Variants in PHACTR1 observed in about 807,000 individuals in gnomAD.
PHACTR1 encodes the protein RPEL repeat containing 1.
A neutral mutation model predicts 69.2 loss-of-function variants in PHACTR1; 16 were observed. The observed-to-expected ratio is 0.23, with a 90% CI of 0.16 to 0.35. The LOEUF (loss-of-function observed/expected upper bound fraction) is 0.35, where lower values mean the gene tolerates loss of function less well. Ranked by LOEUF, PHACTR1 falls within the 10% of genes least tolerant of loss-of-function variation. The pLI, the probability that PHACTR1 is intolerant of heterozygous loss-of-function variation, is 1.00. For synonymous variants in PHACTR1, 312 were observed against 284.5 expected, an observed-to-expected ratio of 1.10 and a Z score of -0.97; for missense variants, 510 against 734.7, an observed-to-expected ratio of 0.69 and a Z score of 3.54.
At chr6:12,758,422 C>A (rs2327616) in intron 4 of PHACTR1, among the ~76,000 whole-genome samples, 1 of 146,686 alleles carries the variant, frequency 6.8e-6, no homozygotes, top group Non-Finnish European at 1.5e-5. Context: ...GCAGAGACCA[C>A]GCCATTGCCC....
chr6:12,985,536 A>AT (rs1458061348), intron 4 of PHACTR1, among the ~76,000 whole-genome samples: 95 of 137,400 alleles, frequency 6.9e-4, no homozygotes, highest in Admixed American at 1.8e-3. Context: ...ATTAAAAAAA[A>AT]AAAAAATATA....
intron 4 of PHACTR1, among the ~76,000 whole-genome samples, chr6:12,770,601 G>A (rs1769254425): frequency 6.6e-6 from 1 of 152,186 alleles, no homozygotes; most frequent in Non-Finnish European, 1.5e-5. Context: ...TGGCATTTAA[G>A]TCCCCCTGGT....
chr6:13,127,660 G>A (rs1340740377), intron 5 of PHACTR1, among the ~76,000 whole-genome samples: 1 of 152,186 alleles, frequency 6.6e-6, no homozygotes, highest in East Asian at 1.9e-4. Context: ...TAGTCAATAT[G>A]TCAGAGTGGC....
rs116885113 is a variant in PHACTR1 at position 12,781,363 on chromosome 6, A to G, written c.250+31573A>G. Among the ~76,000 whole-genome samples the G allele has an allele frequency of 1.1e-3, 172 of 152,262 alleles. 5 individuals are homozygous for G. The East Asian group carries it at 0.029, about 26-fold the overall frequency. On this transcript the variant is annotated intron_variant, in intron 4 of 14. Transcript: ENST00000332995. ...TCTGTGATTGCTCCTTCACTACTAAATACTCGTTCCACCCAGGACGTGAAT... is the reference window on the plus strand; with the variant it reads ...TCTGTGATTGCTCCTTCACTACTAAGTACTCGTTCCACCCAGGACGTGAAT...
chr6:12,738,847 A>G (rs1043422322), intron 3 of PHACTR1, among the ~76,000 whole-genome samples: 4 of 152,204 alleles, frequency 2.6e-5, no homozygotes, highest in Admixed American at 2.6e-4. Context: ...CCTGGGCGAC[A>G]AGAGTGAAAC....
At chr6:13,204,524 C>A (rs1765640527) in intron 7 of PHACTR1, among the ~76,000 whole-genome samples, 1 of 152,192 alleles carries the variant, frequency 6.6e-6, no homozygotes, top group South Asian at 2.1e-4. Context: ...CAGGCTACAT[C>A]TTCCCAGAAA....
intron 4 of PHACTR1, among the ~76,000 whole-genome samples, chr6:12,925,759 T>A (rs1446010720): frequency 6.6e-6 from 1 of 152,174 alleles, no homozygotes; most frequent in Non-Finnish European, 1.5e-5. Flanking sequence ...GTGAGTAACA[T>A]GAAGTATCAG....
At chr6:13,212,954 A>G (rs1171829784) in intron 8 of PHACTR1, among the ~76,000 whole-genome samples, 2 of 151,972 alleles carry the variant, frequency 1.3e-5, no homozygotes, top group Admixed American at 6.5e-5. Flanking sequence ...TTCACCATCT[A>G]ACGTTTTGTG....
chr6:13,223,677 T>G (rs1167327171), intron 8 of PHACTR1, among the ~76,000 whole-genome samples: 1 of 152,192 alleles, frequency 6.6e-6, no homozygotes, highest in Non-Finnish European at 1.5e-5. Context: ...TTTCAAGCCC[T>G]TCCTTTACCA....
intron 4 of PHACTR1, among the ~76,000 whole-genome samples, chr6:12,768,448 A>G (rs1768949054): frequency 6.6e-6 from 1 of 152,160 alleles, no homozygotes; most frequent in Non-Finnish European, 1.5e-5. Context: ...TGGAAGAAAC[A>G]GTTATCACCA....
At chr6:13,249,571 G>A (rs1774067504) in intron 10 of PHACTR1, among the ~76,000 whole-genome samples, 2 of 152,158 alleles carry the variant, frequency 1.3e-5, no homozygotes, top group Admixed American at 6.5e-5. Flanking sequence ...GGCCAAGGCA[G>A]GTGGATCACC....
chr6:12,926,807 A>G (rs1269929661), intron 4 of PHACTR1, among the ~76,000 whole-genome samples: 1 of 152,238 alleles, frequency 6.6e-6, no homozygotes, highest in African/African-American at 2.4e-5. Context: ...GCTGATCATG[A>G]GCTCACAGTA....
chr6:12,735,503 A>G (rs891572191), intron 3 of PHACTR1, among the ~76,000 whole-genome samples: 2 of 152,262 alleles, frequency 1.3e-5, no homozygotes. Flanking sequence ...AAGAGGGAGC[A>G]TAGCTCATAC....
At chr6:12,988,096 CAT>C (rs1323607659) in intron 4 of PHACTR1, among the ~76,000 whole-genome samples, 60 of 152,150 alleles carry the variant, frequency 3.9e-4, no homozygotes, top group Non-Finnish European at 7.3e-5. Flanking sequence ...TAATCTTAAA[CAT>C]GTCATGTGGC....
intron 4 of PHACTR1, among the ~76,000 whole-genome samples, chr6:12,987,241 TA>T (rs1796301568): frequency 6.6e-6 from 1 of 152,168 alleles, no homozygotes; most frequent in Non-Finnish European, 1.5e-5. Context: ...AGAATGACAT[TA>T]TCCATTGAAA....
At position 13,070,696 on chromosome 6, in the gene PHACTR1, A is replaced by T. The variant is rs9369785; in HGVS notation, c.415+17167A>T. On this transcript the variant is annotated intron_variant, in intron 5 of 14. Transcript: ENST00000332995. ...AAACATACTTGAATTCAGAAATCTA[A>T]TCTCATTAAGACAACAGAAACGATT... Among the ~76,000 whole-genome samples the T allele has an allele frequency of 3.2e-4, 48 of 152,320 alleles. No individual in the cohort carries two copies. In the East Asian group the frequency reaches 8.7e-3, roughly 28 times the overall value.
intron 10 of PHACTR1, among the ~76,000 whole-genome samples, chr6:13,257,133 T>C (rs1172650086): frequency 6.6e-6 from 1 of 152,134 alleles, no homozygotes; most frequent in African/African-American, 2.4e-5. Context: ...CTGCCAATCA[T>C]GGCAGAAAAC....
intron 10 of PHACTR1, among the ~76,000 whole-genome samples, chr6:13,241,791 G>A (rs202060): frequency 0.84 from 127,769 of 151,730 alleles, 54,215 homozygotes; most frequent in Middle Eastern, 0.9. Flanking sequence ...TGGGAGGCCG[G>A]GGCAGGTGGA....
chr6:13,230,233 T>G, intron 10 of PHACTR1, 40 bp downstream of exon 10: 1 of 1,583,202 alleles, frequency 6.3e-7, no homozygotes, highest in East Asian at 2.3e-5. Flanking sequence ...GCAGTGGGCC[T>G]TTAGCTCTCC....
Sources: allele counts gnomAD v4.1 joint callset (sites outside exome capture counted in the v4.1 genomes callset), GRCh38; gene constraint gnomAD v4.1.1; transcripts MANE v1.5; gene names NCBI Gene and HGNC (gene_info 2026-07-23, HGNC 2026-07-21).